TFEC: variants seen among roughly 807,000 people sequenced by gnomAD.
TFEC encodes the protein class E basic helix-loop-helix protein 34.
TFEC carries 31 observed loss-of-function variants against 41.6 expected under a neutral mutation model. The observed-to-expected ratio is 0.74, with a 90% CI of 0.56 to 1.01. TFEC has a LOEUF of 1.01. Among genes scored for constraint, TFEC ranks in the 50% least tolerant of loss-of-function variants. The pLI is 0.00. For missense variants in TFEC, 402 were observed against 404.1 expected (o/e 0.99, Z 0.04); for synonymous variants, 143 against 140.6 (o/e 1.02, Z -0.12).
chr7:116,024,049 T>C (rs1795497420), intron 1 of TFEC, among the ~76,000 whole-genome samples: 1 of 152,146 alleles, frequency 6.6e-6, no homozygotes, highest in Non-Finnish European at 1.5e-5. Context: ...TACTTGATAT[T>C]TGTCACTGGT....
At chr7:116,035,079 A>C (rs1251197555), upstream of TFEC, among the ~76,000 whole-genome samples, 1 of 151,932 alleles carries the variant, frequency 6.6e-6, no homozygotes, top group Non-Finnish European at 1.5e-5. Flanking sequence ...GAAGACCAGG[A>C]TCCCCATCTC....
rs1219009981 is a variant in TFEC, at chr7:115,936,898, C to G, written c.*3653G>C. ...TTATTATTTAGGGCTTTTTTAAAAACCTATATAAAGAAAGCCATGGTCACT... is the reference window on the plus strand; with the variant it reads ...TTATTATTTAGGGCTTTTTTAAAAAGCTATATAAAGAAAGCCATGGTCACT... On this transcript the variant is annotated 3_prime_UTR_variant, in exon 8 of 8. Coordinates refer to ENST00000265440, the MANE Select transcript of TFEC (RefSeq NM_012252.4). 1 of 151,280 alleles carries G rather than the reference C, an allele frequency of 6.6e-6. No individual in the cohort carries two copies. 9.4% of individuals were successfully genotyped at this position (151,280 alleles called of 1,614,324 possible). A position where few individuals can be genotyped will look rare whatever the true frequency, so the allele number is the denominator to read the frequency against.
chr7:116,087,097 A>G (rs1797219859), intron 3 of TFEC, among the ~76,000 whole-genome samples: 3 of 151,984 alleles, frequency 2.0e-5, no homozygotes, highest in Admixed American at 2.0e-4. Flanking sequence ...ATGAATTACA[A>G]TTGATTAGAG....
intron 6 of TFEC, among the ~76,000 whole-genome samples, chr7:115,943,450 T>C (rs1268680667): frequency 6.6e-6 from 1 of 151,962 alleles, no homozygotes; most frequent in African/African-American, 2.4e-5. Flanking sequence ...ACCCTAGCCA[T>C]ATTTGAAGTT....
chr7:115,984,126 ATAAT>A (rs1484919822), intron 2 of TFEC, 132 bp downstream of exon 2: 100 of 1,104,174 alleles, frequency 9.1e-5, no homozygotes, highest in South Asian at 5.9e-4. Context: ...TAAATAGAGA[ATAAT>A]TAATTAAAAG....
intron 2 of TFEC, among the ~76,000 whole-genome samples, chr7:115,984,035 C>T (rs1004508652): frequency 3.3e-5 from 5 of 152,078 alleles, no homozygotes; most frequent in Non-Finnish European, 7.4e-5. Flanking sequence ...TTTTAATTCA[C>T]ATTAATACAT....
chr7:116,107,990 GT>G (rs1203893847), intron 3 of TFEC, among the ~76,000 whole-genome samples: 2 of 152,188 alleles, frequency 1.3e-5, no homozygotes, highest in Non-Finnish European at 2.9e-5. Flanking sequence ...TCATGAGGCT[GT>G]GAGGATAATG....
chr7:116,151,655 A>AG (rs1554428404), intron 1 of TFEC, among the ~76,000 whole-genome samples: 1 of 150,052 alleles, frequency 6.7e-6, no homozygotes, highest in Non-Finnish European at 1.5e-5. Context: ...TTACAATGGA[A>AG]TTTTTTTTTT....
intron 1 of TFEC, among the ~76,000 whole-genome samples, chr7:116,022,692 A>G (rs1326985875): frequency 6.6e-6 from 1 of 152,166 alleles, no homozygotes; most frequent in East Asian, 1.9e-4. Flanking sequence ...AGTATTTTGT[A>G]ATGTATTCGA....
intron 3 of TFEC, among the ~76,000 whole-genome samples, chr7:116,077,388 AC>A: frequency 6.6e-6 from 1 of 152,290 alleles, no homozygotes; most frequent in East Asian, 1.9e-4. Context: ...TATTGAGGCA[AC>A]AAATAGCACA....
Position 115,937,469 on chromosome 7 carries a change from C to T in TFEC, c.*3082G>A, listed in dbSNP as rs1793286679. On this transcript the variant is annotated 3_prime_UTR_variant, in exon 8 of 8. Coordinates refer to ENST00000265440, the MANE Select transcript of TFEC (RefSeq NM_012252.4). The stretch of plus-strand genomic sequence containing the variant: ...CAAATAATTTGCTTTTAAATTCACA[C>T]TATTTTTGTTTGGAAATTTATTTGC... 6.6e-6 allele frequency: 1 copy of T among 151,626 alleles called. No homozygotes were observed. Among genetic ancestry groups the T allele is most frequent in the Admixed American group, 6.6e-5 (1 of 15,178 alleles). The allele number at this position is 151,626 out of a possible 1,614,324, so 9.4% of individuals were successfully genotyped here.
intron 1 of TFEC, among the ~76,000 whole-genome samples, chr7:116,003,669 C>T (rs1794683271): frequency 6.6e-6 from 1 of 152,058 alleles, no homozygotes; most frequent in South Asian, 2.1e-4. Flanking sequence ...CTATTTACCA[C>T]CACCAACAGG....
At chr7:116,081,439 C>A (rs1307171685) in intron 3 of TFEC, among the ~76,000 whole-genome samples, 1 of 152,166 alleles carries the variant, frequency 6.6e-6, no homozygotes, top group East Asian at 1.9e-4. Context: ...CGTATCAAAT[C>A]CTCTGCAATC....
rs572642637 is a variant in TFEC at position 116,099,641 on chromosome 7, A to C, written c.198+11067T>G. 5.9e-5 allele frequency among the ~76,000 whole-genome samples: 9 copies of C among 152,338 alleles called. No homozygotes were observed. The East Asian group carries it at 1.7e-3, about 29-fold the overall frequency. On this transcript the variant is annotated intron_variant, in intron 3 of 8. Coordinates refer to the TFEC transcript ENST00000484212. ...AGTCTCAAACAAGACTTTTGAGTGA[A>C]GCTGTCTTAAAATATCAATCTCCAG...
chr7:116,133,418 C>G (rs1408211023), intron 1 of TFEC, among the ~76,000 whole-genome samples: 1 of 151,918 alleles, frequency 6.6e-6, no homozygotes, highest in South Asian at 2.1e-4. Flanking sequence ...GACGTGGTGG[C>G]GTGTGCCAGT....
intron 1 of TFEC, among the ~76,000 whole-genome samples, chr7:115,984,827 G>A (rs868071569): frequency 5.9e-5 from 9 of 152,066 alleles, no homozygotes; most frequent in East Asian, 1.9e-4. Context: ...CTAAAATAAC[G>A]TAAGGAAAAT....
chr7:116,153,265 T>C (rs1390170618), intron 1 of TFEC, among the ~76,000 whole-genome samples: 2 of 152,104 alleles, frequency 1.3e-5, no homozygotes, highest in Non-Finnish European at 2.9e-5. Context: ...CGTTTTGTTT[T>C]GTTTTTTTGA....
intron 1 of TFEC, among the ~76,000 whole-genome samples, chr7:116,151,238 ATTTTT>A (rs5886809): frequency 1.7e-5 from 2 of 120,126 alleles, no homozygotes; most frequent in African/African-American, 3.4e-5. Context: ...ATTATGTCAG[ATTTTT>A]TTTTTTTTTT....
chr7:116,053,102 G>T (rs1274918901), intron 3 of TFEC, among the ~76,000 whole-genome samples: 1 of 151,986 alleles, frequency 6.6e-6, no homozygotes, highest in African/African-American at 2.4e-5. Flanking sequence ...TGTCATGGAA[G>T]GTTAACAATG....
Sources: allele counts gnomAD v4.1 joint callset (sites outside exome capture counted in the v4.1 genomes callset), GRCh38; gene constraint gnomAD v4.1.1; transcripts MANE v1.5; gene names NCBI Gene and HGNC (gene_info 2026-07-23, HGNC 2026-07-21).